Variants in PRDM8 observed in about 807,000 individuals in gnomAD.
PRDM8 encodes PR domain zinc finger protein 8.
Under a neutral mutation model 46.5 loss-of-function variants are expected in PRDM8, and 13 were observed. The observed-to-expected ratio is 0.28, with a 90% CI of 0.18 to 0.44. The LOEUF (loss-of-function observed/expected upper bound fraction) is 0.44, where lower values mean the gene tolerates loss of function less well. Among genes scored for constraint, PRDM8 ranks in the 20% least tolerant of loss-of-function variants. The probability of loss-of-function intolerance (pLI) is 1.00; values close to 1 mark genes in which losing one functional copy is unlikely to be tolerated. For missense variants in PRDM8, 998 were observed against 955.0 expected (o/e 1.04, Z -0.59); for synonymous variants, 473 against 438.4 (o/e 1.08, Z -0.98).
chr4:80,198,994 G>GGTTTTTTTTT (rs1560472823), intron 1 of PRDM8, among the ~76,000 whole-genome samples: 1 of 63,504 alleles, frequency 1.6e-5, no homozygotes, highest in African/African-American at 1.0e-4. Context: ...TTTTTTTTTT[G>GGTTTTTTTTT]TTTTTTTTTT....
chr4:80,202,264 C>G lies in PRDM8; in HGVS notation c.802C>G (p.Leu268Val), dbSNP rs374498169. Residue 268 changes from leucine to valine, a missense_variant, in exon 4 of 4, where the codon CTG becomes GTG. By Grantham distance (32) the Leu-to-Val change is conservative. Coordinates refer to ENST00000415738, the MANE Select transcript of PRDM8 (RefSeq NM_001099403.2). The stretch of plus-strand genomic sequence containing the variant: ...AGACTTCCACAACCTGGCCAGGGAG[C>G]TGGAAAACTCCCGGGGAGGCAGCAG... ...STDFHNLARE[L>V]ENSRGGSSCS... 1.2e-6 allele frequency: 2 copies of G among 1,611,244 alleles called. No individual in the cohort carries two copies. Among genetic ancestry groups the G allele is most frequent in the African/African-American group, 2.7e-5 (2 of 74,456 alleles).
chr4:80,191,496 C>G (rs1466202760), exon 2 of PRDM8: 1 of 152,170 alleles, frequency 6.6e-6, no homozygotes, highest in Non-Finnish European at 1.5e-5. Context: ...GCCTGGGAAG[C>G]ATCTTTTCGC....
At chr4:80,189,405 C>T (rs1478555136) in intron 1 of PRDM8, among the ~76,000 whole-genome samples, 2 of 151,468 alleles carry the variant, frequency 1.3e-5, no homozygotes, top group African/African-American at 4.9e-5. Context: ...AAACTGATTG[C>T]TCTTGCATTA....
chr4:80,187,485 G>C (rs918389568), intron 1 of PRDM8, among the ~76,000 whole-genome samples: 7 of 152,148 alleles, frequency 4.6e-5, no homozygotes, highest in African/African-American at 1.7e-4. Context: ...AAGGGTCTGA[G>C]CTATGGAGAT....
At chr4:80,195,942 G>C (rs1184652881), upstream of PRDM8, 5 of 418,454 alleles carry the variant, frequency 1.2e-5, no homozygotes, top group African/African-American at 8.8e-5. Context: ...GAGAGAGAGA[G>C]AGAGAGAGAG....
chr4:80,193,783 G>C (rs990879095), upstream of PRDM8, among the ~76,000 whole-genome samples: 1 of 151,954 alleles, frequency 6.6e-6, no homozygotes, highest in Non-Finnish European at 1.5e-5. Context: ...ATCTTCCAGT[G>C]TGTGGGTTTT....
At position 80,204,213 on chromosome 4, in the gene PRDM8, A is replaced by C. The variant is rs564444277; in HGVS notation, c.*681A>C. The stretch of plus-strand genomic sequence containing the variant: ...ACAAAGTGTAATTTTGTGCCAGTGA[A>C]ATGGAGTCTGAATAGTTATGTGTTT... On this transcript the variant is annotated 3_prime_UTR_variant, in exon 4 of 4. Coordinates refer to ENST00000415738, the MANE Select transcript of PRDM8 (RefSeq NM_001099403.2). The C allele has an allele frequency of 6.5e-6, 1 of 152,780 alleles. No homozygotes were observed. The highest frequency in any genetic ancestry group is 2.4e-5 in the African/African-American group (1 of 41,578). 9.5% of individuals were successfully genotyped at this position (152,780 alleles called of 1,614,324 possible). A position where few individuals can be genotyped will look rare whatever the true frequency, so the allele number is the denominator to read the frequency against.
chr4:80,197,337 C>A (rs765257079), upstream of PRDM8: 9 of 964,268 alleles, frequency 9.3e-6, no homozygotes, highest in African/African-American at 1.8e-5. Context: ...GGTAGGCGCT[C>A]AGGATCTGCG....
chr4:80,190,729 T>G (rs953754630), intron 1 of PRDM8, among the ~76,000 whole-genome samples: 9 of 152,234 alleles, frequency 5.9e-5, no homozygotes, highest in Non-Finnish European at 1.0e-4. Context: ...TAGCAGGCAC[T>G]TCTGTGCCTT....
chr4:80,200,708 T>G (rs980045468), intron 2 of PRDM8, among the ~76,000 whole-genome samples: 9 of 152,196 alleles, frequency 5.9e-5, no homozygotes, highest in Admixed American at 1.3e-4. Context: ...AAAGATTAGT[T>G]TCTTTGGTAA....
In PRDM8 at chr4:80,202,021, A is replaced by G. The variant is rs200231947; in HGVS notation, c.559A>G (p.Ile187Val). Residue 187 changes from isoleucine to valine, a missense_variant, in exon 4 of 4, where the codon ATA (isoleucine) becomes GTA (valine). Physicochemically the swap from Ile to Val is conservative, Grantham distance 29. Transcript: ENST00000415738. ...RCPKRLHSAD[I>V]SPQDEQGGGV... ...CCCCAAGAGACTTCACAGCGCTGAT[A>G]TAAGTCCCCAAGACGAACAAGGCGG... The G allele has an allele frequency of 8.1e-6, 13 of 1,614,034 alleles. No individual in the cohort carries two copies. The highest frequency in any genetic ancestry group is 1.0e-5 in the Non-Finnish European group (12 of 1,180,020).
intron 3 of PRDM8, 150 bp from the exon 4 acceptor site, chr4:80,201,764 T>C (rs1738473754): frequency 8.2e-7 from 1 of 1,216,694 alleles, no homozygotes; most frequent in Admixed American, 2.3e-5. Context: ...GTCATTCTTT[T>C]CTCAGGCACT....
Position 80,202,732 on chromosome 4 carries a change from A to G in PRDM8, c.1270A>G (p.Thr424Ala), listed in dbSNP as rs1738617952. 7.7e-7 allele frequency: 1 copy of G among 1,297,942 alleles called. No individual in the cohort carries two copies. The highest frequency in any genetic ancestry group is 3.1e-5 in the East Asian group (1 of 31,760). 80.4% of individuals were successfully genotyped at this position (1,297,942 alleles called of 1,614,324 possible). Residue 424 changes from threonine to alanine, a missense_variant, in exon 4 of 4, where the codon ACG (threonine) becomes GCG (alanine). Transcript: ENST00000415738. ...QDAGGGGGSS[T>A]PAAASPVGAE... ...CGCTGGCGGCGGCGGCGGCTCCTCC[A>G]CGCCCGCGGCCGCGTCACCGGTGGG...
chr4:80,197,604 A>G lies in PRDM8; in HGVS notation c.-162A>G. The G allele has an allele frequency of 1.1e-6, 1 of 922,708 alleles. No individual in the cohort carries two copies. The highest frequency in any genetic ancestry group is 1.3e-6 in the Non-Finnish European group (1 of 797,638). 57.2% of individuals were successfully genotyped at this position (922,708 alleles called of 1,614,324 possible). A position where few individuals can be genotyped will look rare whatever the true frequency, so the allele number is the denominator to read the frequency against. ...CCAATCTTTTTCTCCCCATCTCTCCATCTCTCTCTTATCTCTTCAGGAAGA... is the reference window on the plus strand; with the variant it reads ...CCAATCTTTTTCTCCCCATCTCTCCGTCTCTCTCTTATCTCTTCAGGAAGA... On this transcript the variant is annotated 5_prime_UTR_variant, in exon 1 of 4. Coordinates refer to ENST00000415738, the MANE Select transcript of PRDM8 (RefSeq NM_001099403.2).
chr4:80,202,848 G>C lies in PRDM8; in HGVS notation c.1386G>C (p.Ser462=), dbSNP rs1738639380. The change falls in exon 4 of 4, where the codon TCG becomes TCC. Residue 462 remains serine (S), a synonymous_variant. Transcript: ENST00000415738. The part of the protein sequence containing the change: ...GSPARGSAFT[S]VPQLGSAGST... Reference sequence around the variant, plus strand: ...CTGCGAGGGGCAGCGCCTTCACTTCGGTGCCGCAGCTGGGCAGCGCGGGCA... The same window carrying C: ...CTGCGAGGGGCAGCGCCTTCACTTCCGTGCCGCAGCTGGGCAGCGCGGGCA... The C allele has an allele frequency of 3.2e-6, 4 of 1,231,862 alleles. No individual in the cohort carries two copies. Among genetic ancestry groups the C allele is most frequent in the Non-Finnish European group, 4.0e-6 (4 of 992,078 alleles). The allele number at this position is 1,231,862 out of a possible 1,614,324, so 76.3% of individuals were successfully genotyped here.
At position 80,202,938 on chromosome 4, in the gene PRDM8, C is replaced by T. The variant is rs1279321008; in HGVS notation, c.1476C>T (p.Ala492=). The part of the protein sequence containing the change: ...AAGGAGGGQG[A]ASDERKSAFS... ...GCGGCGCGGGCGGGGGCCAGGGCGC[C>T]GCGTCGGACGAGCGCAAAAGCGCCT... is the stretch of plus-strand genomic sequence containing the variant. Residue 492 remains alanine, a synonymous_variant, in exon 4 of 4, where the codon GCC becomes GCT. Coordinates refer to ENST00000415738, the MANE Select transcript of PRDM8 (RefSeq NM_001099403.2). 11 of 1,455,620 alleles carry T rather than the reference C, an allele frequency of 7.6e-6. No homozygotes were observed. In the South Asian group the frequency reaches 9.4e-5, roughly 12 times the overall value. 90.2% of individuals were successfully genotyped at this position (1,455,620 alleles called of 1,614,324 possible). A position where few individuals can be genotyped will look rare whatever the true frequency, so the allele number is the denominator to read the frequency against.
intron 2 of PRDM8, 128 bp from the exon 3 acceptor site, chr4:80,201,162 T>A: frequency 1.2e-6 from 1 of 851,220 alleles, no homozygotes; most frequent in South Asian, 1.7e-5. Flanking sequence ...TTTGGAAGCG[T>A]GGTCTCAGAC....
upstream of PRDM8, chr4:80,194,190 C>T (rs1396215779): frequency 1.0e-6 from 1 of 981,748 alleles, no homozygotes; most frequent in Non-Finnish European, 1.2e-6. Flanking sequence ...CAGTTTCCTA[C>T]ATGTGTATTT....
At chr4:80,201,563 G>C in intron 3 of PRDM8, 42 bp downstream of exon 3, 1 of 1,582,316 alleles carries the variant, frequency 6.3e-7, no homozygotes, top group Non-Finnish European at 8.7e-7. Flanking sequence ...TTAACTAGCG[G>C]GGGAGAGACG....
Sources: gnomAD v4.1 joint callset for allele counts (sites outside exome capture counted in the v4.1 genomes callset) on GRCh38, gnomAD v4.1.1 for gene constraint, MANE v1.5 for transcripts, NCBI Gene and HGNC (gene_info 2026-07-23, HGNC 2026-07-21) for gene names.